Variants in SAA2 observed in about 807,000 individuals in gnomAD.
The protein encoded by SAA2 is serum amyloid A-2 protein.
In SAA2, 5 loss-of-function variants were observed where a neutral mutation model predicts 9.1. The ratio of observed to expected loss-of-function variants is 0.55; its 90% CI spans 0.29 to 1.16. The LOEUF is 1.16. Ranked by LOEUF, SAA2 falls within the 50% of genes most tolerant of loss-of-function variation. The probability of loss-of-function intolerance (pLI) is 0.09; values close to 1 mark genes in which losing one functional copy is unlikely to be tolerated. For missense variants in SAA2, 94 were observed against 153.8 expected, an observed-to-expected ratio of 0.61 and a Z score of 2.06; for synonymous variants, 49 against 59.8, an observed-to-expected ratio of 0.82 and a Z score of 0.83.
chr11:18,239,492 C>T, exon 4 of SAA2: 1 of 388,694 alleles, frequency 2.6e-6, no homozygotes, highest in Non-Finnish European at 4.5e-6. Context: ...ATCATACCAT[C>T]TCCCATTCTC....
intron 3 of SAA2, chr11:18,240,212 T>G (rs965155906): frequency 9.8e-6 from 7 of 711,116 alleles, no homozygotes; most frequent in Non-Finnish European, 5.1e-6. Context: ...TCTTGAAATT[T>G]GAATGAGGCA....
intron 2 of SAA2, among the ~76,000 whole-genome samples, chr11:18,246,356 G>T (rs926943386): frequency 6.6e-6 from 1 of 152,192 alleles, no homozygotes; most frequent in African/African-American, 2.4e-5. Context: ...GAGTACTTCT[G>T]CCCTGACTAC....
downstream of SAA2, among the ~76,000 whole-genome samples, chr11:18,243,450 T>A (rs1242421173): frequency 1.3e-5 from 2 of 152,220 alleles, no homozygotes; most frequent in Non-Finnish European, 1.5e-5. Context: ...AGTCTTTTTT[T>A]ACAACTTGGG....
In SAA2 at chr11:18,245,301, T is replaced by C. The variant is rs1643976555; in HGVS notation, c.*76A>G. The C allele has an allele frequency of 1.3e-6, 2 of 1,595,788 alleles. No individual in the cohort carries two copies. The highest frequency in any genetic ancestry group is 1.7e-6 in the Non-Finnish European group (2 of 1,169,688). On this transcript the variant is annotated 3_prime_UTR_variant, in exon 4 of 4. Coordinates refer to ENST00000256733, the MANE Select transcript of SAA2 (RefSeq NM_030754.5). ...TGCCATATCTCAGCTTCTCTGGACA[T>C]AGACCTCACTAACTTTGTATCCCTG...
At position 18,239,992 on chromosome 11, in the gene SAA2, A is replaced by G. The variant is rs748185435; in HGVS notation, c.231-23T>C. 303 of 1,550,560 alleles carry G rather than the reference A, an allele frequency of 2.0e-4. 1 individual carries two copies. The highest frequency in any genetic ancestry group is 2.5e-4 in the Non-Finnish European group (285 of 1,146,576). On this transcript the variant is annotated intron_variant, in intron 3 of 3. Transcript: ENST00000414546. ...AAACTGACAAAGGCAGATTAATAGG[A>G]GAAAAAGTCATATACACGTATTTTA... is the stretch of plus-strand genomic sequence containing the variant.
exon 4 of SAA2, chr11:18,239,745 T>G (rs1348941055): frequency 1.9e-6 from 1 of 524,462 alleles, no homozygotes; most frequent in Non-Finnish European, 3.2e-6. Context: ...TCCAAACTTC[T>G]TAGAGAATGG....
At chr11:18,243,086 G>GT (rs71457892), downstream of SAA2, among the ~76,000 whole-genome samples, 4,012 of 150,220 alleles carry the variant, frequency 0.027, 82 homozygotes, top group Non-Finnish European at 0.042. Flanking sequence ...TTTTTTTCTT[G>GT]TTTTTTTTAT....
Position 18,245,395 on chromosome 11 carries a change from G to A in SAA2, c.351C>T (p.Gly117=), listed in dbSNP as rs146946229. ...GRDPNHFRPA[G]LPEKY ...AGGAAGCTCAGTATTTCTCAGGCAG[G>A]CCAGCAGGTCGGAAGTGATTGGGGT... The change falls in exon 4 of 4, where the codon GGC becomes GGT. Residue 117 remains glycine, a synonymous_variant. Coordinates refer to ENST00000256733, the MANE Select transcript of SAA2 (RefSeq NM_030754.5). The A allele has an allele frequency of 4.5e-5, 72 of 1,614,236 alleles. No individual in the cohort carries two copies. The highest frequency in any genetic ancestry group is 2.1e-4 in the African/African-American group (16 of 75,070).
downstream of SAA2, among the ~76,000 whole-genome samples, chr11:18,243,357 C>T (rs992769030): frequency 2.0e-5 from 3 of 152,084 alleles, no homozygotes; most frequent in Admixed American, 2.0e-4. Context: ...CTCCCTCCTG[C>T]CCCCCAAAAT....
At chr11:18,247,106 A>T (rs1357609313) in intron 2 of SAA2, among the ~76,000 whole-genome samples, 1 of 152,282 alleles carries the variant, frequency 6.6e-6, no homozygotes, top group Non-Finnish European at 1.5e-5. Flanking sequence ...TCTAAGTCTC[A>T]GCTTTCTCAC....
chr11:18,244,041 G>A (rs1487677486), downstream of SAA2, among the ~76,000 whole-genome samples: 1 of 152,196 alleles, frequency 6.6e-6, no homozygotes, highest in Non-Finnish European at 1.5e-5. Flanking sequence ...CTCCTGTACA[G>A]GACAACCAGT....
At chr11:18,240,552 A>G (rs182989723), downstream of SAA2, among the ~76,000 whole-genome samples, 4 of 152,356 alleles carry the variant, frequency 2.6e-5, no homozygotes, top group East Asian at 7.7e-4. Flanking sequence ...GGAACAAAAT[A>G]GAGAACCCAA....
chr11:18,238,748 C>A (rs111695358), downstream of SAA2, among the ~76,000 whole-genome samples: 4,977 of 152,094 alleles, frequency 0.033, 278 homozygotes, highest in African/African-American at 0.11. Flanking sequence ...CAAATACTAG[C>A]TCTTATTCAT....
chr11:18,242,592 T>C (rs1857379102), downstream of SAA2: 1 of 558,210 alleles, frequency 1.8e-6, no homozygotes, highest in African/African-American at 1.9e-5. Context: ...ATGCCTGTAA[T>C]CCCAGCACTT....
downstream of SAA2, among the ~76,000 whole-genome samples, chr11:18,244,566 T>C (rs1857443909): frequency 6.6e-6 from 1 of 152,184 alleles, no homozygotes; most frequent in Admixed American, 6.5e-5. Flanking sequence ...TTCTTTATAT[T>C]AAAATTTCCC....
downstream of SAA2, among the ~76,000 whole-genome samples, chr11:18,238,552 T>C (rs1248926535): frequency 6.6e-6 from 1 of 152,176 alleles, no homozygotes; most frequent in African/African-American, 2.4e-5. Context: ...TAGGTGTATA[T>C]AATTATGGGG....
downstream of SAA2, among the ~76,000 whole-genome samples, chr11:18,238,798 C>T (rs1857264788): frequency 6.6e-6 from 1 of 150,984 alleles, no homozygotes; most frequent in African/African-American, 2.4e-5. Flanking sequence ...ATCCTCACCT[C>T]CCCTCACTCC....
chr11:18,241,375 C>T (rs1469422036), downstream of SAA2, among the ~76,000 whole-genome samples: 1 of 152,148 alleles, frequency 6.6e-6, no homozygotes, highest in Non-Finnish European at 1.5e-5. Flanking sequence ...CCAGCAGTCC[C>T]ATTACTGGGT....
intron 2 of SAA2, among the ~76,000 whole-genome samples, chr11:18,247,231 G>C (rs1045618469): frequency 6.6e-6 from 1 of 152,100 alleles, no homozygotes; most frequent in African/African-American, 2.4e-5. Context: ...AAGAAGGCTG[G>C]AGAAGGAAGA....
Sources: gnomAD v4.1 joint callset for allele counts (sites outside exome capture counted in the v4.1 genomes callset) on GRCh38, gnomAD v4.1.1 for gene constraint, MANE v1.5 for transcripts, NCBI Gene and HGNC (gene_info 2026-07-23, HGNC 2026-07-21) for gene names.